L2HGDH: variants seen among roughly 807,000 people sequenced by gnomAD.
L2HGDH encodes L-2-hydroxyglutarate dehydrogenase, mitochondrial.
A neutral mutation model predicts 51.5 loss-of-function variants in L2HGDH; 34 were observed. That is an observed-to-expected ratio of 0.66 (90% CI 0.50 to 0.88). The LOEUF is 0.88. Among genes scored for constraint, L2HGDH ranks in the 40% least tolerant of loss-of-function variants. The pLI is 0.00. For missense variants in L2HGDH, 558 were observed against 571.9 expected, an observed-to-expected ratio of 0.98 and a Z score of 0.25; for synonymous variants, 198 against 197.9, an observed-to-expected ratio of 1.00 and a Z score of -0.01.
At chr14:50,253,827 T>C (rs1347082930) in intron 9 of L2HGDH, among the ~76,000 whole-genome samples, 1 of 152,164 alleles carries the variant, frequency 6.6e-6, no homozygotes, top group Non-Finnish European at 1.5e-5. Flanking sequence ...GTGGTATCTA[T>C]ACACAATGGA....
At chr14:50,283,428 T>C (rs547680840) in intron 5 of L2HGDH, among the ~76,000 whole-genome samples, 47 of 152,212 alleles carry the variant, frequency 3.1e-4, no homozygotes, top group African/African-American at 1.1e-3. Context: ...CTACCTCTGG[T>C]TCTGCACCAT....
intron 4 of L2HGDH, among the ~76,000 whole-genome samples, chr14:50,291,197 CAAAAAAAAA>C (rs1159640500): frequency 7.2e-3 from 222 of 30,672 alleles, no homozygotes; most frequent in Middle Eastern, 0.022. Flanking sequence ...GACTCCGTCT[CAAAAAAAAA>C]AAAAAAAAAA....
chr14:50,301,177 T>C (rs2030387999), intron 3 of L2HGDH, among the ~76,000 whole-genome samples: 1 of 152,142 alleles, frequency 6.6e-6, no homozygotes, highest in South Asian at 2.1e-4. Context: ...CCAAAATAGA[T>C]GTTGGCAAGG....
chr14:50,249,084 G>A (rs1370034620), intron 9 of L2HGDH, among the ~76,000 whole-genome samples: 2 of 152,196 alleles, frequency 1.3e-5, no homozygotes, highest in African/African-American at 4.8e-5. Flanking sequence ...GCTGGGCTCA[G>A]CCAGCGCCAG....
intron 6 of L2HGDH, among the ~76,000 whole-genome samples, chr14:50,276,470 C>G (rs1454166625): frequency 3.3e-5 from 5 of 151,620 alleles, no homozygotes; most frequent in Admixed American, 3.3e-4. Flanking sequence ...GTGCCCCCCC[C>G]ACCCCAATTC....
chr14:50,281,047 C>A (rs968706510), intron 5 of L2HGDH, among the ~76,000 whole-genome samples: 1 of 152,026 alleles, frequency 6.6e-6, no homozygotes, highest in Non-Finnish European at 1.5e-5. Context: ...AAACTCCTGG[C>A]CTCAAGTGAT....
Position 50,246,379 on chromosome 14 carries a change from A to C in L2HGDH, c.*679T>G, listed in dbSNP as rs1888000056. Reference sequence around the variant, plus strand: ...ACTACAGGCACACACCATCATGCCCAGCTAATTTTTGTATTTTTTGTAGAG... The same window carrying C: ...ACTACAGGCACACACCATCATGCCCCGCTAATTTTTGTATTTTTTGTAGAG... On this transcript the variant is annotated 3_prime_UTR_variant, in exon 10 of 10. Coordinates refer to ENST00000267436, the MANE Select transcript of L2HGDH (RefSeq NM_024884.3). 1.3e-5 allele frequency: 2 copies of C among 148,722 alleles called. No homozygotes were observed. Among genetic ancestry groups the C allele is most frequent in the Admixed American group, 1.3e-4 (2 of 14,908 alleles). The allele number at this position is 148,722 out of a possible 1,614,324, so 9.2% of individuals were successfully genotyped here.
intron 1 of L2HGDH, chr14:50,311,331 T>A (rs1392105573): frequency 1.5e-5 from 7 of 455,984 alleles, no homozygotes; most frequent in Non-Finnish European, 3.1e-5. Flanking sequence ...CCACACCATA[T>A]GTCTTCCACT....
chr14:50,274,827 G>T (rs1427259524), intron 6 of L2HGDH, among the ~76,000 whole-genome samples: 1 of 152,076 alleles, frequency 6.6e-6, no homozygotes, highest in African/African-American at 2.4e-5. Context: ...TGACAACATG[G>T]GTGGGCATGG....
At chr14:50,277,238 T>C (rs1890028566) in intron 6 of L2HGDH, among the ~76,000 whole-genome samples, 1 of 151,524 alleles carries the variant, frequency 6.6e-6, no homozygotes, top group African/African-American at 2.4e-5. Flanking sequence ...TTAGCATGTC[T>C]TCAGTCCTAT....
At chr14:50,311,467 T>G in intron 1 of L2HGDH, 1 of 456,132 alleles carries the variant, frequency 2.2e-6, no homozygotes, top group Non-Finnish European at 4.4e-6. Context: ...TGGTTTCGAA[T>G]GTGACGTCCA....
chr14:50,303,822 A>C (rs1226023156), intron 1 of L2HGDH, among the ~76,000 whole-genome samples: 1 of 151,246 alleles, frequency 6.6e-6, no homozygotes, highest in East Asian at 1.9e-4. Flanking sequence ...AAAAAAAAAA[A>C]AAAAAACCTC....
At chr14:50,303,536 G>A (rs2030546029) in intron 1 of L2HGDH, among the ~76,000 whole-genome samples, 1 of 151,472 alleles carries the variant, frequency 6.6e-6, no homozygotes, top group African/African-American at 2.4e-5. Context: ...CAGCACTTTG[G>A]GAGGCCAAGG....
Position 50,312,039 on chromosome 14 carries a change from A to T in L2HGDH, c.112T>A (p.Cys38Ser), listed in dbSNP as rs1248154757. 5 of 1,582,634 alleles carry T rather than the reference A, an allele frequency of 3.2e-6. No homozygotes were observed. The African/African-American group carries it at 6.7e-5, about 21-fold the overall frequency. The change falls in exon 1 of 10, where the codon TGT (cysteine) becomes AGT (serine). Residue 38 changes from cysteine to serine, a missense_variant. This residue lies in a region of L2HGDH where 194 missense variants were observed against 187.2 expected (regional missense o/e 1.04). Transcript: ENST00000267436. ...GFASGRPRPL[C>S]GGSRSASTSS... is the part of the protein sequence containing the mutation. ...GTGCTGGCGCTGCGGCTACCTCCAC[A>T]CAGCGGTCTTGGCCTCCCAGACGCG...
chr14:50,297,688 A>T (rs940063996), intron 3 of L2HGDH, among the ~76,000 whole-genome samples: 20 of 152,220 alleles, frequency 1.3e-4, no homozygotes, highest in African/African-American at 4.3e-4. Context: ...GGTCTTTAAA[A>T]TTTTTTTTAA....
rs1238960905 is a variant in L2HGDH, at chr14:50,312,012, T to C, written c.139A>G (p.Ser47Gly). ...LCGGSRSAST[S>G]SFDIVIVGGG... The stretch of plus-strand genomic sequence containing the variant: ...CGGGGAGGACCAGCGGCCACTCACC[T>C]GGTGCTGGCGCTGCGGCTACCTCCA... Residue 47 changes from serine (S) to glycine (G), a missense_variant and splice_region_variant, in exon 1 of 10, where the codon AGC (serine) becomes GGC (glycine). This residue lies in a region of L2HGDH where 194 missense variants were observed against 187.2 expected (regional missense o/e 1.04). Transcript: ENST00000267436. The C allele has an allele frequency of 6.4e-7, 1 of 1,563,066 alleles. No individual in the cohort carries two copies. Among genetic ancestry groups the C allele is most frequent in the Admixed American group, 1.9e-5 (1 of 53,026 alleles).
intron 8 of L2HGDH, among the ~76,000 whole-genome samples, chr14:50,267,145 T>A (rs1027782804): frequency 4.2e-5 from 6 of 143,378 alleles, no homozygotes; most frequent in Non-Finnish European, 7.6e-5. Flanking sequence ...TTCTTTTTAT[T>A]TTTATTTATT....
At chr14:50,306,680 G>A (rs1443950980) in intron 1 of L2HGDH, among the ~76,000 whole-genome samples, 3 of 151,226 alleles carry the variant, frequency 2.0e-5, no homozygotes, top group Admixed American at 2.0e-4. Flanking sequence ...GCGTGTTGGT[G>A]GATAGCGGGA....
In L2HGDH at chr14:50,242,757, T is replaced by A. The variant is rs915459797; in HGVS notation, c.*4301A>T. The A allele has an allele frequency of 1.7e-4, 169 of 985,326 alleles. No homozygotes were observed. The highest frequency in any genetic ancestry group is 2.0e-4 in the Non-Finnish European group (162 of 829,926). The allele number at this position is 985,326 out of a possible 1,614,324, so 61.0% of individuals were successfully genotyped here. On this transcript the variant is annotated 3_prime_UTR_variant, in exon 10 of 10. Transcript: ENST00000267436. Reference sequence around the variant, plus strand: ...GAGTGTGTTAGAAAAGCTTAGAAACTGACTTTACGATTACAACTCAAAAAT... The same window carrying A: ...GAGTGTGTTAGAAAAGCTTAGAAACAGACTTTACGATTACAACTCAAAAAT...
Sources: allele counts gnomAD v4.1 joint callset (sites outside exome capture counted in the v4.1 genomes callset), GRCh38; gene constraint gnomAD v4.1.1; regional missense constraint gnomAD v4.1.1; transcripts MANE v1.5; gene names NCBI Gene and HGNC (gene_info 2026-07-23, HGNC 2026-07-21).